The following DGCR2 variants were observed in gnomAD, a reference collection of about 807,000 sequenced individuals.
The protein encoded by DGCR2 is DiGeorge syndrome critical region gene 2.
In DGCR2, 24 loss-of-function variants were observed where a neutral mutation model predicts 51.6. The ratio of observed to expected loss-of-function variants is 0.47; its 90% CI spans 0.34 to 0.65. The LOEUF (loss-of-function observed/expected upper bound fraction) is 0.65. Ranked by LOEUF, DGCR2 falls within the 30% of genes least tolerant of loss-of-function variation. DGCR2 has a pLI of 0.01. For missense variants in DGCR2, 765 were observed against 772.1 expected (o/e 0.99, Z 0.11); for synonymous variants, 340 against 315.4 (o/e 1.08, Z -0.82).
intron 7 of DGCR2, chr22:19,045,379 CAG>C: frequency 7.1e-6 from 1 of 140,230 alleles, no homozygotes; most frequent in East Asian, 2.1e-4. Context: ...CAAACAAAAA[CAG>C]AGAGATCACC....
chr22:19,051,513 G>A (rs954267008), intron 6 of DGCR2, among the ~76,000 whole-genome samples: 1 of 152,124 alleles, frequency 6.6e-6, no homozygotes, highest in African/African-American at 2.4e-5. Context: ...TTGAGCCTAG[G>A]AGTTGCGTTT....
At chr22:19,093,167 C>G (rs1012972456) in intron 1 of DGCR2, among the ~76,000 whole-genome samples, 1 of 152,020 alleles carries the variant, frequency 6.6e-6, no homozygotes, top group South Asian at 2.1e-4. Context: ...TCCGAACCAG[C>G]CTGACCAACA....
At chr22:19,094,079 G>A (rs932239578) in intron 1 of DGCR2, among the ~76,000 whole-genome samples, 2 of 152,220 alleles carry the variant, frequency 1.3e-5, no homozygotes, top group African/African-American at 4.8e-5. Flanking sequence ...TATACAGATG[G>A]CTAGCAAGCA....
intron 2 of DGCR2, among the ~76,000 whole-genome samples, chr22:19,087,678 C>CTTTT (rs35513614): frequency 5.0e-5 from 6 of 120,284 alleles, no homozygotes; most frequent in Admixed American, 8.6e-5. Flanking sequence ...CTGCACCTGG[C>CTTTT]TTTTTTTTTT....
At chr22:19,083,404 T>A (rs140775909) in intron 2 of DGCR2, among the ~76,000 whole-genome samples, 2 of 152,210 alleles carry the variant, frequency 1.3e-5, no homozygotes, top group East Asian at 3.9e-4. Context: ...TCATTCCTCT[T>A]CTTCACAACG....
At chr22:19,116,396 C>T (rs1372143089) in intron 1 of DGCR2, among the ~76,000 whole-genome samples, 1 of 152,230 alleles carries the variant, frequency 6.6e-6, no homozygotes, top group African/African-American at 2.4e-5. Flanking sequence ...CTGGCTTTGA[C>T]TAAACTTCCC....
chr22:19,121,886 G>A (rs545082387), intron 1 of DGCR2: 57 of 256,154 alleles, frequency 2.2e-4, no homozygotes, highest in Non-Finnish European at 3.7e-5. Context: ...CGCCGCTCCC[G>A]GGAAGGGCCC....
At chr22:19,060,952 C>T (rs760035415) in intron 5 of DGCR2, 1 of 451,764 alleles carries the variant, frequency 2.2e-6, no homozygotes, top group Admixed American at 2.5e-5. Flanking sequence ...ACTCACACCC[C>T]AATCTGGAAC....
intron 1 of DGCR2, among the ~76,000 whole-genome samples, chr22:19,115,785 T>G (rs807741): frequency 0.93 from 141,946 of 152,236 alleles, 66,278 homozygotes; most frequent in African/African-American, 0.98. Flanking sequence ...GATCCCATCA[T>G]AACAGCAAAG....
chr22:19,043,544 G>A (rs905316504), intron 7 of DGCR2, among the ~76,000 whole-genome samples: 2 of 152,194 alleles, frequency 1.3e-5, no homozygotes, highest in African/African-American at 4.8e-5. Context: ...AGTGGTCCCA[G>A]AAGTAGCTTC....
At chr22:19,100,523 G>A (rs893176684) in intron 1 of DGCR2, among the ~76,000 whole-genome samples, 13 of 152,014 alleles carry the variant, frequency 8.6e-5, no homozygotes, top group African/African-American at 2.7e-4. Flanking sequence ...AAAATTAGCC[G>A]GACGTGGTGG....
chr22:19,072,390 AAGTCCCTC>A (rs935389776), intron 2 of DGCR2, among the ~76,000 whole-genome samples: 12 of 152,226 alleles, frequency 7.9e-5, no homozygotes, highest in African/African-American at 2.4e-4. Flanking sequence ...ACAGAACTTC[AAGTCCCTC>A]AGCCACATAC....
At chr22:19,081,706 G>C (rs2082938143) in intron 2 of DGCR2, among the ~76,000 whole-genome samples, 2 of 152,114 alleles carry the variant, frequency 1.3e-5, no homozygotes, top group South Asian at 4.1e-4. Context: ...TAGAAATCCT[G>C]GATCACAGAA....
chr22:19,117,097 T>C (rs1275858489), intron 1 of DGCR2, among the ~76,000 whole-genome samples: 3 of 152,098 alleles, frequency 2.0e-5, no homozygotes, highest in African/African-American at 7.2e-5. Flanking sequence ...TCACCTCCCA[T>C]TACTGCTAAG....
rs146040912 is a variant in DGCR2, at chr22:19,064,875, C to T, written c.521G>A (p.Arg174Gln). ...VLAQEWDQPERSFGWKDQRKL... is the reference protein window; with the variant it reads ...VLAQEWDQPEQSFGWKDQRKL... ...GCGCTGGTCCTTCCAACCAAAGCTCCGCTCGGGCTGGTCCCATTCCTGGGC... is the reference window on the plus strand; with the variant it reads ...GCGCTGGTCCTTCCAACCAAAGCTCTGCTCGGGCTGGTCCCATTCCTGGGC... Residue 174 changes from arginine to glutamine, a missense_variant, in exon 4 of 10, where the codon CGG (arginine) becomes CAG (glutamine). This residue lies in a region of DGCR2 where 370 missense variants were observed against 325.5 expected (regional missense o/e 1.14). Coordinates refer to ENST00000263196, the MANE Select transcript of DGCR2 (RefSeq NM_005137.3). The T allele has an allele frequency of 3.1e-5, 50 of 1,613,692 alleles. No individual in the cohort carries two copies. Among genetic ancestry groups the T allele is most frequent in the Non-Finnish European group, 4.1e-5 (48 of 1,179,996 alleles).
Position 19,103,109 on chromosome 22 carries a change from G to A in DGCR2, c.80-13619C>T, listed in dbSNP as rs568871739. Among the ~76,000 whole-genome samples, 145 of 152,044 alleles carry A rather than the reference G, an allele frequency of 9.5e-4. 1 individual carries two copies. Among genetic ancestry groups the A allele is most frequent in the Non-Finnish European group, 1.8e-3 (125 of 68,010 alleles). On this transcript the variant is annotated intron_variant, in intron 1 of 9. Transcript: ENST00000263196. ...ACATGCTATAACATGGATGAACTGC[G>A]AAAACATAATGCTAAGTGAAAGAAG...
chr22:19,060,921 G>A (rs757450087), intron 5 of DGCR2: 2 of 509,066 alleles, frequency 3.9e-6, no homozygotes, highest in South Asian at 2.9e-5. Context: ...GGCATAGTAA[G>A]CGTCTATGTA....
intron 6 of DGCR2, chr22:19,056,565 A>ACC: frequency 5.6e-6 from 2 of 356,530 alleles, no homozygotes; most frequent in Non-Finnish European, 1.0e-5. Context: ...AAAAAAAAAA[A>ACC]AACACACACA....
chr22:19,119,178 T>C (rs1313708858), intron 1 of DGCR2, among the ~76,000 whole-genome samples: 3 of 152,146 alleles, frequency 2.0e-5, no homozygotes, highest in Non-Finnish European at 4.4e-5. Flanking sequence ...GAGCATAATA[T>C]GAGGTACTCC....
Sources: gnomAD v4.1 joint callset for allele counts (sites outside exome capture counted in the v4.1 genomes callset) on GRCh38, gnomAD v4.1.1 for gene constraint, gnomAD v4.1.1 regional missense constraint, MANE v1.5 for transcripts, NCBI Gene and HGNC (gene_info 2026-07-23, HGNC 2026-07-21) for gene names.